The following SPDYA variants were observed in gnomAD, a reference collection of about 807,000 sequenced individuals.
SPDYA encodes speedy/RINGO cell cycle regulator family member A.
In SPDYA, 11 loss-of-function variants were observed where a neutral mutation model predicts 36.7. The observed-to-expected ratio is 0.30, with a 90% confidence interval of 0.19 to 0.50. The LOEUF is 0.50. Among genes scored for constraint, SPDYA ranks in the 20% least tolerant of loss-of-function variants. SPDYA has a pLI of 0.98. For synonymous variants in SPDYA, 115 were observed against 118.7 expected (o/e 0.97, Z 0.20); for missense variants, 287 against 370.9 (o/e 0.77, Z 1.86).
chr2:28,820,857 T>C (rs1183328228), intron 4 of SPDYA, among the ~76,000 whole-genome samples: 2 of 152,160 alleles, frequency 1.3e-5, no homozygotes, highest in Non-Finnish European at 2.9e-5. Context: ...AGAAGGTTTA[T>C]AAAATTTTTT....
chr2:28,841,185 C>T (rs1460357968), intron 7 of SPDYA, among the ~76,000 whole-genome samples: 8 of 152,020 alleles, frequency 5.3e-5, no homozygotes, highest in East Asian at 1.9e-4. Flanking sequence ...CTGCCTTCCT[C>T]GGCCTCCTAA....
At chr2:28,819,869 T>A (rs1320045153) in intron 4 of SPDYA, among the ~76,000 whole-genome samples, 7 of 7,320 alleles carry the variant, frequency 9.6e-4, no homozygotes, top group East Asian at 0.026. Context: ...TATATATATA[T>A]ATATATATAT....
At chr2:28,820,793 A>G (rs1668137285) in intron 4 of SPDYA, among the ~76,000 whole-genome samples, 1 of 152,174 alleles carries the variant, frequency 6.6e-6, no homozygotes, top group South Asian at 2.1e-4. Flanking sequence ...ATTAAATACA[A>G]AGTACTGGGG....
intron 6 of SPDYA, among the ~76,000 whole-genome samples, chr2:28,832,425 CTTTCTATTGG>C (rs1668499952): frequency 5.3e-5 from 8 of 152,174 alleles, no homozygotes; most frequent in African/African-American, 2.4e-5. Context: ...ATCTCTTCTC[CTTTCTATTGG>C]TATTAACTTA....
chr2:28,837,222 G>GAAGA (rs1161578540), intron 6 of SPDYA, among the ~76,000 whole-genome samples: 1 of 152,170 alleles, frequency 6.6e-6, no homozygotes, highest in Non-Finnish European at 1.5e-5. Context: ...TAGCAGTGCT[G>GAAGA]AAGAAAATGA....
At chr2:28,843,613 G>A (rs1668802283) in intron 7 of SPDYA, among the ~76,000 whole-genome samples, 1 of 148,850 alleles carries the variant, frequency 6.7e-6, no homozygotes, top group Non-Finnish European at 1.5e-5. Context: ...TTTTTTAGAT[G>A]AAGCATTCTT....
At chr2:28,826,298 GGTT>G (rs1668317132) in intron 5 of SPDYA, among the ~76,000 whole-genome samples, 1 of 151,680 alleles carries the variant, frequency 6.6e-6, no homozygotes, top group South Asian at 2.1e-4. Flanking sequence ...CACCATGCCT[GGTT>G]AACTTTTGTA....
At chr2:28,818,526 T>A (rs1281136523) in intron 3 of SPDYA, among the ~76,000 whole-genome samples, 1 of 151,944 alleles carries the variant, frequency 6.6e-6, no homozygotes, top group Non-Finnish European at 1.5e-5. Context: ...CAACTATTAA[T>A]GTATTTTGAG....
intron 6 of SPDYA, among the ~76,000 whole-genome samples, chr2:28,834,081 A>AACACACACACACACACAC (rs56865803): frequency 3.4e-5 from 5 of 146,874 alleles, no homozygotes; most frequent in African/African-American, 1.3e-4. Context: ...AAATTGCTAA[A>AACACACACACACACACAC]ACACACACAC....
chr2:28,847,611 T>C (rs1488225883), intron 7 of SPDYA, among the ~76,000 whole-genome samples: 1 of 150,854 alleles, frequency 6.6e-6, no homozygotes, highest in Non-Finnish European at 1.5e-5. Context: ...CCGGGCGTGA[T>C]GGCACATACC....
At chr2:28,837,447 G>A (rs1037144009) in intron 6 of SPDYA, among the ~76,000 whole-genome samples, 1 of 152,098 alleles carries the variant, frequency 6.6e-6, no homozygotes, top group African/African-American at 2.4e-5. Context: ...GGCAGTAACT[G>A]GATATAATTA....
intron 6 of SPDYA, among the ~76,000 whole-genome samples, chr2:28,829,573 T>G (rs540918157): frequency 1.3e-5 from 2 of 152,094 alleles, no homozygotes; most frequent in East Asian, 3.9e-4. Flanking sequence ...TTTGAGAGGC[T>G]GAGGCGGGTG....
At position 28,816,199 on chromosome 2, in the gene SPDYA, C is replaced by T. The variant is rs1667980449; in HGVS notation, c.185C>T (p.Pro62Leu). 6.2e-7 allele frequency: 1 copy of T among 1,613,760 alleles called. No homozygotes were observed. Among genetic ancestry groups the T allele is most frequent in the Non-Finnish European group, 8.5e-7 (1 of 1,179,906 alleles). ...NNNKSKRPKG[P>L]CLVIQRQDMT... is the part of the protein sequence containing the mutation. ...AACAAATCTAAACGCCCCAAAGGAC[C>T]TTGTCTGGTTATACAGCGTCAGGAT... The change falls in exon 3 of 8, where the codon CCT becomes CTT. Residue 62 changes from proline (P) to leucine (L), a missense_variant. Pro to Leu is a moderately conservative substitution (Grantham distance 98). Coordinates refer to ENST00000334056, the MANE Select transcript of SPDYA (RefSeq NM_182756.4).
At chr2:28,822,459 T>TCTG in intron 5 of SPDYA, 49 bp downstream of exon 5, 1 of 907,270 alleles carries the variant, frequency 1.1e-6, no homozygotes, top group South Asian at 1.9e-5. Flanking sequence ...ATTATATACA[T>TCTG]TACACCTTAT....
intron 1 of SPDYA, among the ~76,000 whole-genome samples, chr2:28,812,850 TC>T (rs1242126396): frequency 2.2e-5 from 2 of 91,276 alleles, no homozygotes; most frequent in African/African-American, 4.5e-5. Flanking sequence ...AGAGCGAAAC[TC>T]CGTCTCAAAA....
chr2:28,818,987 A>T, intron 3 of SPDYA, 61 bp from the exon 4 acceptor site: 1 of 1,306,192 alleles, frequency 7.7e-7, no homozygotes, highest in Non-Finnish European at 1.1e-6. Flanking sequence ...CATAGAAATT[A>T]ATTCTTCAAA....
chr2:28,824,148 A>T (rs1049613653), intron 5 of SPDYA, among the ~76,000 whole-genome samples: 1 of 152,162 alleles, frequency 6.6e-6, no homozygotes, highest in East Asian at 1.9e-4. Flanking sequence ...GTTTTTACTC[A>T]AAGTGTATTT....
chr2:28,845,142 G>C (rs1668838803), intron 7 of SPDYA, among the ~76,000 whole-genome samples: 1 of 151,808 alleles, frequency 6.6e-6, no homozygotes, highest in Non-Finnish European at 1.5e-5. Flanking sequence ...CTGGAGTGTA[G>C]TGATGTGATC....
At chr2:28,835,794 A>G (rs1292091633) in intron 6 of SPDYA, among the ~76,000 whole-genome samples, 2 of 152,242 alleles carry the variant, frequency 1.3e-5, no homozygotes, top group African/African-American at 4.8e-5. Context: ...GGCGTATAGA[A>G]AAGGTAACTG....
Sources: allele counts gnomAD v4.1 joint callset (sites outside exome capture counted in the v4.1 genomes callset), GRCh38; gene constraint gnomAD v4.1.1; transcripts MANE v1.5; gene names NCBI Gene and HGNC (gene_info 2026-07-23, HGNC 2026-07-21).